Variants in TCF7L1 observed in about 807,000 individuals in gnomAD.
TCF7L1 encodes the protein transcription factor 7-like 1.
A neutral mutation model predicts 63.7 loss-of-function variants in TCF7L1; 18 were observed. The ratio of observed to expected loss-of-function variants is 0.28; its 90% confidence interval spans 0.20 to 0.42. The LOEUF is 0.42. TCF7L1 is among the 10% of genes least tolerant of loss of function. TCF7L1 has a pLI of 1.00. For synonymous variants in TCF7L1, 355 were observed against 340.9 expected (o/e 1.04, Z -0.46); for missense variants, 654 against 779.3 (o/e 0.84, Z 1.91).
At chr2:85,237,336 T>TGGATCCAGTGAA (rs1340310145) in intron 3 of TCF7L1, among the ~76,000 whole-genome samples, 1 of 152,190 alleles carries the variant, frequency 6.6e-6, no homozygotes, top group Admixed American at 6.5e-5. Flanking sequence ...GATCCTTCAC[T>TGGATCCAGTGAA]GGATCCTTGT....
intron 3 of TCF7L1, among the ~76,000 whole-genome samples, chr2:85,211,573 C>A (rs1475978668): frequency 2.0e-5 from 3 of 152,156 alleles, no homozygotes; most frequent in Non-Finnish European, 4.4e-5. Context: ...CATTATAGGA[C>A]CTGCTCCCTG....
intron 3 of TCF7L1, among the ~76,000 whole-genome samples, chr2:85,138,830 T>C (rs1367509747): frequency 6.6e-6 from 1 of 152,154 alleles, no homozygotes; most frequent in Non-Finnish European, 1.5e-5. Context: ...ATTCCAGCCT[T>C]TACAGTGATG....
At chr2:85,230,788 A>G (rs1680058834) in intron 3 of TCF7L1, among the ~76,000 whole-genome samples, 1 of 152,248 alleles carries the variant, frequency 6.6e-6, no homozygotes, top group Non-Finnish European at 1.5e-5. Context: ...GCGAAGAACC[A>G]GTACTACTAA....
rs182340215 is a variant in TCF7L1, at chr2:85,137,701, T to C, written c.441+3251T>C. Among the ~76,000 whole-genome samples, 102 of 152,214 alleles carry C rather than the reference T, an allele frequency of 6.7e-4. 4 individuals are homozygous for C. In the East Asian group the frequency reaches 0.018, roughly 27 times the overall value. On this transcript the variant is annotated intron_variant, in intron 3 of 11. Transcript: ENST00000282111. ...TGAGGTCGGGAGTTCGAGACCAGCC[T>C]GGCCAACATGGTGAAACCCCATCTG...
intron 3 of TCF7L1, among the ~76,000 whole-genome samples, chr2:85,139,742 A>C (rs1677677697): frequency 1.3e-5 from 2 of 152,188 alleles, no homozygotes; most frequent in African/African-American, 2.4e-5. Flanking sequence ...GAAGACATGG[A>C]GGAAGGAAAA....
intron 3 of TCF7L1, among the ~76,000 whole-genome samples, chr2:85,171,228 C>T (rs879407776): frequency 2.4e-4 from 36 of 152,154 alleles, no homozygotes; most frequent in Non-Finnish European, 1.0e-4. Context: ...GAAAGACCTG[C>T]CATCATGATT....
intron 4 of TCF7L1, among the ~76,000 whole-genome samples, chr2:85,288,106 A>G (rs1281539018): frequency 6.6e-6 from 1 of 152,208 alleles, no homozygotes; most frequent in African/African-American, 2.4e-5. Context: ...CTATTATTAA[A>G]TGAGAGGGAA....
At chr2:85,280,078 A>G (rs905726066) in intron 3 of TCF7L1, among the ~76,000 whole-genome samples, 3 of 152,184 alleles carry the variant, frequency 2.0e-5, no homozygotes, top group African/African-American at 7.2e-5. Context: ...CCCCAGCACC[A>G]AGGCAGACAA....
intron 3 of TCF7L1, among the ~76,000 whole-genome samples, chr2:85,140,340 T>A (rs1486105520): frequency 6.6e-6 from 1 of 152,100 alleles, no homozygotes; most frequent in African/African-American, 2.4e-5. Context: ...GAGGGGATGA[T>A]TGAAACTGGC....
At chr2:85,283,937 A>G (rs1197432436) in intron 4 of TCF7L1, among the ~76,000 whole-genome samples, 3 of 152,254 alleles carry the variant, frequency 2.0e-5, no homozygotes. Flanking sequence ...AGGCTTACCC[A>G]GAATTGCCTC....
chr2:85,170,211 C>T (rs1574088904), intron 3 of TCF7L1, among the ~76,000 whole-genome samples: 1 of 152,136 alleles, frequency 6.6e-6, no homozygotes, highest in Non-Finnish European at 1.5e-5. Flanking sequence ...TGACTTTGCT[C>T]TGCTGGGTCA....
At chr2:85,174,026 C>T (rs202094782) in intron 3 of TCF7L1, among the ~76,000 whole-genome samples, 1 of 152,166 alleles carries the variant, frequency 6.6e-6, no homozygotes, top group East Asian at 1.9e-4. Context: ...TGAGCCACCG[C>T]GCCCGGCCAG....
intron 3 of TCF7L1, among the ~76,000 whole-genome samples, chr2:85,159,976 C>T (rs1294447224): frequency 1.3e-5 from 2 of 152,236 alleles, no homozygotes; most frequent in African/African-American, 2.4e-5. Context: ...ACCTGGGACA[C>T]TGTCACATGG....
At chr2:85,171,187 A>G (rs903360233) in intron 3 of TCF7L1, among the ~76,000 whole-genome samples, 2 of 152,316 alleles carry the variant, frequency 1.3e-5, no homozygotes, top group Admixed American at 6.5e-5. Flanking sequence ...AGCTCTCATG[A>G]GACTTATTCA....
rs1019619661 is a variant in TCF7L1 at position 85,181,409 on chromosome 2, G to C, written c.441+46959G>C. Among the ~76,000 whole-genome samples, 55 of 152,338 alleles carry C rather than the reference G, an allele frequency of 3.6e-4. 1 individual carries two copies. The highest frequency in any genetic ancestry group is 1.2e-3 in the African/African-American group (48 of 41,584). The stretch of plus-strand genomic sequence containing the variant: ...ATATAGGAGGCTCCCAGAGGTACGG[G>C]TGTGCCTCCCTGCTGGGCATGGGCC... On this transcript the variant is annotated intron_variant, in intron 3 of 11. Transcript: ENST00000282111.
chr2:85,256,505 C>T (rs779318108), intron 3 of TCF7L1, among the ~76,000 whole-genome samples: 13 of 152,196 alleles, frequency 8.5e-5, no homozygotes, highest in Non-Finnish European at 1.5e-4. Flanking sequence ...AGGGGGAAGC[C>T]CCTGCTTCCG....
intron 10 of TCF7L1, among the ~76,000 whole-genome samples, chr2:85,307,213 C>A (rs1042867201): frequency 6.6e-6 from 1 of 152,142 alleles, no homozygotes; most frequent in Admixed American, 6.5e-5. Flanking sequence ...CCTCAGGGGG[C>A]GTGTCTCTAA....
intron 3 of TCF7L1, among the ~76,000 whole-genome samples, chr2:85,272,734 G>A (rs1180975289): frequency 2.0e-5 from 3 of 152,148 alleles, no homozygotes; most frequent in African/African-American, 7.2e-5. Context: ...AGTCAAGGCT[G>A]CAGTGAGCTA....
intron 3 of TCF7L1, among the ~76,000 whole-genome samples, chr2:85,160,252 G>T (rs1574083952): frequency 1.3e-5 from 2 of 152,282 alleles, no homozygotes; most frequent in East Asian, 3.9e-4. Flanking sequence ...ACAGAGATTT[G>T]TTGGCCGCAT....
Sources: gnomAD v4.1 joint callset for allele counts (sites outside exome capture counted in the v4.1 genomes callset) on GRCh38, gnomAD v4.1.1 for gene constraint, MANE v1.5 for transcripts, NCBI Gene and HGNC (gene_info 2026-07-23, HGNC 2026-07-21) for gene names.